ATP11B: variants seen among roughly 807,000 people sequenced by gnomAD.
The protein encoded by ATP11B is phospholipid-transporting ATPase IF.
Under a neutral mutation model 157.8 loss-of-function variants are expected in ATP11B, and 81 were observed. The ratio of observed to expected loss-of-function variants is 0.51; its 90% CI spans 0.43 to 0.62. ATP11B has a LOEUF of 0.62. Ranked by LOEUF, ATP11B falls within the 20% of genes least tolerant of loss-of-function variation. The probability of loss-of-function intolerance (pLI) is 0.00; values close to 1 mark genes in which losing one functional copy is unlikely to be tolerated. For synonymous variants in ATP11B, 451 were observed against 469.4 expected (o/e 0.96, Z 0.51); for missense variants, 1,165 against 1,402.2 (o/e 0.83, Z 2.70).
chr3:182,884,245 T>A (rs887888873), intron 21 of ATP11B, among the ~76,000 whole-genome samples: 25 of 152,220 alleles, frequency 1.6e-4, no homozygotes, highest in African/African-American at 4.6e-4. Context: ...TGCTTATTTT[T>A]AAAAATTTAT....
intron 10 of ATP11B, among the ~76,000 whole-genome samples, chr3:182,855,220 C>T (rs1001818767): frequency 2.6e-5 from 4 of 152,114 alleles, no homozygotes; most frequent in African/African-American, 9.7e-5. Flanking sequence ...ATCAGTGTTA[C>T]ACAATAGAGA....
At chr3:182,900,904 A>T (rs984898183) in intron 28 of ATP11B, among the ~76,000 whole-genome samples, 2 of 151,244 alleles carry the variant, frequency 1.3e-5, no homozygotes, top group African/African-American at 4.9e-5. Context: ...AAAATAGGCC[A>T]GGCATGGTGG....
intron 10 of ATP11B, among the ~76,000 whole-genome samples, chr3:182,854,645 T>G (rs531194339): frequency 6.6e-6 from 1 of 152,178 alleles, no homozygotes; most frequent in African/African-American, 2.4e-5. Context: ...AGGCTAAACA[T>G]TTAAAGAAAT....
chr3:182,840,335 C>T (rs1280288950), intron 7 of ATP11B, among the ~76,000 whole-genome samples: 2 of 152,102 alleles, frequency 1.3e-5, no homozygotes, highest in Non-Finnish European at 2.9e-5. Context: ...TGTTAGAGTG[C>T]CCCAGGACTT....
intron 1 of ATP11B, among the ~76,000 whole-genome samples, chr3:182,795,662 A>C (rs1715555089): frequency 6.6e-6 from 1 of 152,174 alleles, no homozygotes; most frequent in South Asian, 2.1e-4. Flanking sequence ...TAAGTATGTA[A>C]TCATACTTGG....
At chr3:182,804,722 T>C (rs906928619) in intron 1 of ATP11B, among the ~76,000 whole-genome samples, 4 of 152,184 alleles carry the variant, frequency 2.6e-5, no homozygotes, top group African/African-American at 9.6e-5. Flanking sequence ...CACCACACTC[T>C]AATTTTAGGA....
At chr3:182,882,516 AAG>A (rs1309868284) in intron 21 of ATP11B, among the ~76,000 whole-genome samples, 1 of 152,130 alleles carries the variant, frequency 6.6e-6, no homozygotes, top group Non-Finnish European at 1.5e-5. Flanking sequence ...TGAAAAAAAA[AAG>A]AGAAGTTGAG....
intron 25 of ATP11B, among the ~76,000 whole-genome samples, chr3:182,894,354 T>G (rs1321566812): frequency 6.6e-6 from 1 of 152,144 alleles, no homozygotes; most frequent in African/African-American, 2.4e-5. Flanking sequence ...GCCAGGCTAA[T>G]TTTGTATTTT....
At position 182,913,651 on chromosome 3, in the gene ATP11B, G is replaced by A. The variant is rs574071319; in HGVS notation, c.3319-210G>A. Among the ~76,000 whole-genome samples, 4 of 152,186 alleles carry A rather than the reference G, an allele frequency of 2.6e-5. 1 individual carries two copies. In the South Asian group the frequency reaches 8.3e-4, roughly 32 times the overall value. ...CTTAATTTATATAATTATTTTACTA[G>A]ACCTCTAATTTAGGATACAAGGCTT... is the stretch of plus-strand genomic sequence containing the variant. On this transcript the variant is annotated intron_variant, in intron 28 of 29. Transcript: ENST00000323116.
chr3:182,820,224 C>T (rs757726180), intron 1 of ATP11B, 36 bp from the exon 2 acceptor site: 3 of 1,325,046 alleles, frequency 2.3e-6, no homozygotes, highest in East Asian at 4.6e-5. Flanking sequence ...ACCTGGTTGA[C>T]TAGTATTTCT....
chr3:182,887,759 A>G (rs960519194), intron 24 of ATP11B, 46 bp downstream of exon 24: 2 of 1,565,562 alleles, frequency 1.3e-6, no homozygotes, highest in Non-Finnish European at 1.7e-6. Context: ...TTTTTTAAGT[A>G]AAAAATAAGC....
chr3:182,867,535 G>T, intron 15 of ATP11B, 91 bp downstream of exon 15: 4 of 680,912 alleles, frequency 5.9e-6, no homozygotes, highest in Non-Finnish European at 7.2e-6. Context: ...CAGGGCAAAT[G>T]TGGCCTATAT....
In ATP11B at chr3:182,884,843, A is replaced by G. The variant is rs1722693201; in HGVS notation, c.2600A>G (p.His867Arg). 6 of 1,584,532 alleles carry G rather than the reference A, an allele frequency of 3.8e-6. No individual in the cohort carries two copies. The highest frequency in any genetic ancestry group is 5.2e-6 in the Non-Finnish European group (6 of 1,158,730). Residue 867 changes from histidine (H) to arginine (R), a missense_variant, in exon 22 of 30, where the codon CAT (histidine) becomes CGT (arginine). By Grantham distance (29) the His-to-Arg change is conservative (BLOSUM62 0). Transcript: ENST00000323116. ...TTCCTCTCCAAATTGCTTTTTGTTCATGGTCATTTTTATTATATTAGAATA... is the reference window on the plus strand; with the variant it reads ...TTCCTCTCCAAATTGCTTTTTGTTCGTGGTCATTTTTATTATATTAGAATA... ...FKFLSKLLFV[H>R]GHFYYIRIAT... is the part of the protein sequence containing the mutation.
rs113153989 is a variant in ATP11B, at chr3:182,836,344, G to A, written c.426G>A (p.Val142=). The A allele has an allele frequency of 8.4e-5, 135 of 1,613,516 alleles. No homozygotes were observed. In the African/African-American group the frequency reaches 1.6e-3, roughly 19 times the overall value. Residue 142 remains valine (V), a splice_region_variant and synonymous_variant, in exon 6 of 30, where the codon GTG becomes GTA. Transcript: ENST00000323116. ...LVKTRSKNIR[V]GDIVRIAKDE... is the part of the protein sequence containing the mutation. ...CTCTTCCCCAAAATTCTTTATAGGT[G>A]GGTGATATTGTTCGAATAGCCAAAG...
intron 12 of ATP11B, among the ~76,000 whole-genome samples, chr3:182,864,751 G>A (rs1378993213): frequency 6.6e-6 from 1 of 151,720 alleles, no homozygotes; most frequent in Non-Finnish European, 1.5e-5. Flanking sequence ...AGTCATTATT[G>A]CAGTAATCAG....
intron 17 of ATP11B, 111 bp from the exon 18 acceptor site, chr3:182,872,245 G>A (rs905531686): frequency 2.8e-6 from 2 of 710,220 alleles, no homozygotes; most frequent in South Asian, 2.2e-5. Context: ...TAAATGATTT[G>A]TGATTGACTT....
At chr3:182,862,723 A>G (rs1184052471) in intron 12 of ATP11B, among the ~76,000 whole-genome samples, 1 of 152,062 alleles carries the variant, frequency 6.6e-6, no homozygotes, top group Non-Finnish European at 1.5e-5. Flanking sequence ...CTGGTACATC[A>G]GTTACCACTC....
intron 1 of ATP11B, among the ~76,000 whole-genome samples, chr3:182,796,565 T>C (rs187743633): frequency 1.6e-4 from 24 of 152,344 alleles, no homozygotes; most frequent in African/African-American, 3.4e-4. Flanking sequence ...GAAAATTCTA[T>C]TGGACAGCAC....
intron 29 of ATP11B, chr3:182,915,506 A>T: frequency 1.0e-6 from 1 of 984,420 alleles, no homozygotes; most frequent in Non-Finnish European, 1.2e-6. Context: ...TTCATTGCAC[A>T]GAATCAAGAT....
Sources: gnomAD v4.1 joint callset for allele counts (sites outside exome capture counted in the v4.1 genomes callset) on GRCh38, gnomAD v4.1.1 for gene constraint, MANE v1.5 for transcripts, NCBI Gene and HGNC (gene_info 2026-07-23, HGNC 2026-07-21) for gene names.